PID1: variants seen among roughly 807,000 people sequenced by gnomAD.
The protein encoded by PID1 is phosphotyrosine interaction domain containing 1, also known as PTB-containing, cubilin and LRP1-interacting protein.
Under a neutral mutation model 19.1 loss-of-function variants are expected in PID1, and 10 were observed. The observed-to-expected ratio is 0.52, with a 90% CI of 0.32 to 0.89. PID1 has a LOEUF of 0.89. PID1 is among the 40% of genes least tolerant of loss of function. PID1 has a pLI of 0.03. For missense variants in PID1, 248 were observed against 285.3 expected (o/e 0.87, Z 0.94); for synonymous variants, 130 against 116.0 (o/e 1.12, Z -0.78).
intron 1 of PID1, among the ~76,000 whole-genome samples, chr2:229,209,842 T>C (rs751680489): frequency 3.9e-5 from 6 of 152,140 alleles, no homozygotes; most frequent in Non-Finnish European, 8.8e-5. Flanking sequence ...TATTTGTCAA[T>C]TGCTTAAGGG....
At chr2:229,204,220 A>T (rs1444828451) in intron 1 of PID1, among the ~76,000 whole-genome samples, 3 of 152,140 alleles carry the variant, frequency 2.0e-5, no homozygotes, top group Non-Finnish European at 4.4e-5. Flanking sequence ...AGGGGAGGAA[A>T]CTATAGTTTA....
chr2:229,254,521 G>T (rs1459775466), intron 1 of PID1, among the ~76,000 whole-genome samples: 10 of 152,116 alleles, frequency 6.6e-5, no homozygotes, highest in Non-Finnish European at 1.5e-4. Context: ...CTTCTATTAG[G>T]CCATGAAGGT....
At chr2:229,200,339 G>A (rs184566959) in intron 1 of PID1, among the ~76,000 whole-genome samples, 1 of 152,078 alleles carries the variant, frequency 6.6e-6, no homozygotes, top group East Asian at 1.9e-4. Flanking sequence ...TGGGGGGAGT[G>A]CATCCCAATA....
At chr2:229,085,829 G>T (rs1294184954) in intron 2 of PID1, among the ~76,000 whole-genome samples, 1 of 152,028 alleles carries the variant, frequency 6.6e-6, no homozygotes, top group Non-Finnish European at 1.5e-5. Flanking sequence ...TACTATAAAT[G>T]AGACAAACTT....
In PID1 at chr2:229,082,095, C is replaced by T. The variant is rs531323731; in HGVS notation, c.178-55987G>A. 5.3e-5 allele frequency among the ~76,000 whole-genome samples: 8 copies of T among 152,288 alleles called. No homozygotes were observed. In the South Asian group the frequency reaches 1.7e-3, roughly 32 times the overall value. ...ATTGTATTTTCAAGCCCAGAGCTGC[C>T]ACAGAGTCAAGATCAGGTGTTCTTG... is the stretch of plus-strand genomic sequence containing the variant. On this transcript the variant is annotated intron_variant, in intron 2 of 2. Coordinates refer to ENST00000392055, the MANE Select transcript of PID1 (RefSeq NM_001100818.2).
intron 2 of PID1, among the ~76,000 whole-genome samples, chr2:229,148,532 C>A (rs6436855): frequency 3.3e-5 from 5 of 151,974 alleles, no homozygotes; most frequent in South Asian, 2.1e-4. Flanking sequence ...GAGATTCCTC[C>A]GGTTTTCAAA....
intron 1 of PID1, among the ~76,000 whole-genome samples, chr2:229,201,925 G>A (rs982416803): frequency 1.3e-5 from 2 of 151,932 alleles, no homozygotes; most frequent in Non-Finnish European, 2.9e-5. Context: ...TGGCTGTGAA[G>A]ATAAAAATTC....
chr2:229,119,145 G>A (rs1695467921), intron 2 of PID1, among the ~76,000 whole-genome samples: 1 of 152,190 alleles, frequency 6.6e-6, no homozygotes, highest in Non-Finnish European at 1.5e-5. Flanking sequence ...CTAAAGAAAT[G>A]AAACTACTGT....
At chr2:229,225,591 A>G (rs1171740530) in intron 1 of PID1, among the ~76,000 whole-genome samples, 3 of 151,018 alleles carry the variant, frequency 2.0e-5, no homozygotes, top group Non-Finnish European at 4.4e-5. Flanking sequence ...GGCTCTACTG[A>G]ACCCTTTTCA....
intron 2 of PID1, among the ~76,000 whole-genome samples, chr2:229,102,789 C>T (rs1051675236): frequency 1.3e-5 from 2 of 152,190 alleles, no homozygotes; most frequent in African/African-American, 4.8e-5. Flanking sequence ...GAGCCAGTCA[C>T]AGAGTGCCCT....
intron 2 of PID1, among the ~76,000 whole-genome samples, chr2:229,029,142 C>T (rs749665533): frequency 1.1e-4 from 17 of 151,772 alleles, no homozygotes; most frequent in South Asian, 4.2e-4. Flanking sequence ...ACCTGGGCAA[C>T]GGGACCATTA....
intron 1 of PID1, among the ~76,000 whole-genome samples, chr2:229,186,172 G>A (rs1002599763): frequency 3.9e-5 from 6 of 152,204 alleles, no homozygotes; most frequent in African/African-American, 1.4e-4. Flanking sequence ...TCATGCTGAT[G>A]CAAAAGGTGA....
intron 1 of PID1, among the ~76,000 whole-genome samples, chr2:229,190,493 A>G (rs1369222092): frequency 6.6e-6 from 1 of 152,264 alleles, no homozygotes; most frequent in Non-Finnish European, 1.5e-5. Context: ...CCACTGATCA[A>G]CTACAGAGGA....
chr2:229,248,868 CT>C lies in PID1; in HGVS notation c.30+22145del, dbSNP rs1211800369. 1.3e-4 allele frequency among the ~76,000 whole-genome samples: 20 copies of C among 151,710 alleles called. No individual in the cohort carries two copies. The South Asian group carries it at 4.0e-3, about 30-fold the overall frequency. On this transcript the variant is annotated intron_variant, in intron 1 of 2. Transcript: ENST00000392055. ...GGCCTTCTGTGTCATGTTGAAATAACTTTTTTTTTCTGAGCACTTCCTTGCT... is the reference window on the plus strand; with the variant it reads ...GGCCTTCTGTGTCATGTTGAAATAACTTTTTTTTCTGAGCACTTCCTTGCT...
chr2:229,061,605 A>G (rs1268168616), intron 2 of PID1, among the ~76,000 whole-genome samples: 1 of 152,048 alleles, frequency 6.6e-6, no homozygotes, highest in Admixed American at 6.6e-5. Context: ...TTATGGTTCC[A>G]TATGAATTTT....
At chr2:229,096,269 C>T (rs749632562) in intron 2 of PID1, among the ~76,000 whole-genome samples, 4 of 152,144 alleles carry the variant, frequency 2.6e-5, no homozygotes, top group Non-Finnish European at 4.4e-5. Flanking sequence ...AAGGGAATCA[C>T]AATGCTACCA....
Position 229,033,659 on chromosome 2 carries a change from T to A in PID1, c.178-7551A>T, listed in dbSNP as rs569886282. On this transcript the variant is annotated intron_variant, in intron 2 of 2. Transcript: ENST00000392055. ...TAAACCTGCACGTTCTGCACATGTA[T>A]CCCAGAACTGAAATATAATAAAAAA... is the stretch of plus-strand genomic sequence containing the variant. Among the ~76,000 whole-genome samples the A allele has an allele frequency of 3.3e-5, 5 of 152,228 alleles. No homozygotes were observed. The East Asian group carries it at 9.7e-4, about 29-fold the overall frequency.
At chr2:229,118,184 T>C (rs1695447761) in intron 2 of PID1, among the ~76,000 whole-genome samples, 1 of 152,188 alleles carries the variant, frequency 6.6e-6, no homozygotes, top group Non-Finnish European at 1.5e-5. Context: ...CTGCTTTCAT[T>C]CTATTATACA....
rs1222186234 is a variant in PID1, at chr2:229,118,837, AC to A, written c.177+36980del. Among the ~76,000 whole-genome samples the A allele has an allele frequency of 3.3e-5, 5 of 152,340 alleles. No individual in the cohort carries two copies. The South Asian group carries it at 8.3e-4, about 25-fold the overall frequency. On this transcript the variant is annotated intron_variant, in intron 2 of 2. Transcript: ENST00000392055. ...TGTCTTTTTGAACAAGAGAAAAAAA[AC>A]AAAACAAAACAAAACAAAAAACTAA...
Sources: gnomAD v4.1 joint callset for allele counts (sites outside exome capture counted in the v4.1 genomes callset) on GRCh38, gnomAD v4.1.1 for gene constraint, MANE v1.5 for transcripts, NCBI Gene and HGNC (gene_info 2026-07-23, HGNC 2026-07-21) for gene names.